Variants in DCC observed in about 807,000 individuals in gnomAD.
The protein encoded by DCC is DCC netrin 1 receptor.
Under a neutral mutation model 172.5 loss-of-function variants are expected in DCC, and 58 were observed. The ratio of observed to expected loss-of-function variants is 0.34; its 90% CI spans 0.27 to 0.42. The LOEUF (loss-of-function observed/expected upper bound fraction) is 0.42. DCC is among the 10% of genes least tolerant of loss of function. DCC has a pLI of 1.00. For synonymous variants in DCC, 709 were observed against 644.5 expected (o/e 1.10, Z -1.52); for missense variants, 1,740 against 1,791.0 (o/e 0.97, Z 0.51).
chr18:53,237,803 AT>A (rs1193859168), intron 12 of DCC, among the ~76,000 whole-genome samples: 3 of 152,196 alleles, frequency 2.0e-5, no homozygotes, highest in African/African-American at 7.2e-5. Flanking sequence ...TCATCAAAAA[AT>A]GTCTGACAAA....
intron 2 of DCC, among the ~76,000 whole-genome samples, chr18:52,756,523 T>A (rs971138298): frequency 6.6e-6 from 1 of 152,234 alleles, no homozygotes; most frequent in African/African-American, 2.4e-5. Context: ...TGAGTTGGAA[T>A]AATTTGCTTT....
chr18:53,496,064 TGAA>T (rs2144419571), intron 26 of DCC, among the ~76,000 whole-genome samples: 1 of 152,238 alleles, frequency 6.6e-6, no homozygotes, highest in South Asian at 2.1e-4. Flanking sequence ...CTGACAGTTC[TGAA>T]GAGAGAAGTG....
intron 7 of DCC, among the ~76,000 whole-genome samples, chr18:53,113,501 CT>C (rs2043365752): frequency 6.6e-6 from 1 of 150,998 alleles, no homozygotes. Context: ...TTCTATTTTT[CT>C]TTATTTGCTT....
intron 12 of DCC, among the ~76,000 whole-genome samples, chr18:53,245,650 A>G (rs2056356842): frequency 6.6e-6 from 1 of 152,130 alleles, no homozygotes; most frequent in Non-Finnish European, 1.5e-5. Context: ...ATTTTTAGGC[A>G]TGGAGTCAGT....
chr18:52,851,980 T>C (rs1474560823), intron 2 of DCC, among the ~76,000 whole-genome samples: 1 of 152,092 alleles, frequency 6.6e-6, no homozygotes, highest in Non-Finnish European at 1.5e-5. Flanking sequence ...TTTATATACA[T>C]GAAACATACA....
chr18:52,877,369 T>G (rs1406594914), intron 2 of DCC, among the ~76,000 whole-genome samples: 7 of 147,114 alleles, frequency 4.8e-5, no homozygotes, highest in African/African-American at 1.8e-4. Context: ...GGGAGGAGGG[T>G]GTGTGTGTGT....
intron 1 of DCC, among the ~76,000 whole-genome samples, chr18:52,739,424 A>G (rs901500899): frequency 1.3e-5 from 2 of 152,184 alleles, no homozygotes; most frequent in Admixed American, 6.5e-5. Context: ...GTTGTATGAA[A>G]TAAACAATAT....
At chr18:52,722,634 T>C (rs1416409999) in intron 1 of DCC, among the ~76,000 whole-genome samples, 4 of 152,180 alleles carry the variant, frequency 2.6e-5, no homozygotes, top group African/African-American at 7.2e-5. Context: ...TTTGCAATAA[T>C]AAATGTCCTC....
At chr18:53,197,899 G>C (rs1030900484) in intron 9 of DCC, among the ~76,000 whole-genome samples, 1 of 152,152 alleles carries the variant, frequency 6.6e-6, no homozygotes, top group African/African-American at 2.4e-5. Context: ...TATGCTATGT[G>C]ACTTCTTGAT....
chr18:53,204,777 G>A (rs2055598873), intron 9 of DCC, among the ~76,000 whole-genome samples: 2 of 152,134 alleles, frequency 1.3e-5, no homozygotes, highest in South Asian at 2.1e-4. Flanking sequence ...ATCCATAGCT[G>A]TGCGACCTAT....
At chr18:52,351,422 C>T (rs1342611122) in intron 1 of DCC, among the ~76,000 whole-genome samples, 1 of 134,276 alleles carries the variant, frequency 7.4e-6, no homozygotes, top group African/African-American at 2.6e-5. Context: ...CATAGGCCAC[C>T]TTTTCCTTGA....
chr18:53,141,300 G>T (rs2043826583), intron 7 of DCC, among the ~76,000 whole-genome samples: 1 of 152,282 alleles, frequency 6.6e-6, no homozygotes, highest in African/African-American at 2.4e-5. Flanking sequence ...GTATGAGTGG[G>T]TATCCTCCAA....
At chr18:53,166,512 G>T (rs1427767584) in intron 8 of DCC, among the ~76,000 whole-genome samples, 1 of 152,090 alleles carries the variant, frequency 6.6e-6, no homozygotes, top group Admixed American at 6.6e-5. Flanking sequence ...TTATCATGTG[G>T]ATAGACGCTG....
chr18:52,744,306 C>T (rs1297108247), intron 1 of DCC, among the ~76,000 whole-genome samples: 3 of 152,120 alleles, frequency 2.0e-5, no homozygotes, highest in Non-Finnish European at 4.4e-5. Context: ...GAAACTTTGA[C>T]TGTTCCTTTT....
chr18:53,401,536 T>C (rs1909293818), intron 18 of DCC, among the ~76,000 whole-genome samples: 1 of 152,086 alleles, frequency 6.6e-6, no homozygotes, highest in African/African-American at 2.4e-5. Context: ...AATACAGTGT[T>C]AATAATGTCC....
chr18:52,600,929 T>C (rs2034005146), intron 1 of DCC, among the ~76,000 whole-genome samples: 1 of 152,190 alleles, frequency 6.6e-6, no homozygotes, highest in Non-Finnish European at 1.5e-5. Flanking sequence ...GGATTTACTA[T>C]ATAACCCAAA....
chr18:52,937,781 A>C (rs1009654183), intron 5 of DCC, among the ~76,000 whole-genome samples: 12 of 152,132 alleles, frequency 7.9e-5, no homozygotes, highest in African/African-American at 2.9e-4. Context: ...ACACCCAGCC[A>C]ATGTGACTTT....
intron 25 of DCC, among the ~76,000 whole-genome samples, chr18:53,471,067 T>C (rs2045690064): frequency 6.6e-6 from 1 of 152,214 alleles, no homozygotes; most frequent in South Asian, 2.1e-4. Flanking sequence ...TGTTTTGCCC[T>C]TATCCAAGCT....
At chr18:53,486,713 A>C in intron 25 of DCC, 84 bp from the exon 26 acceptor site, 1 of 1,578,120 alleles carries the variant, frequency 6.3e-7, no homozygotes, top group African/African-American at 1.3e-5. Context: ...AGATTTGAGG[A>C]TCTGAAAATT....
Sources: allele counts gnomAD v4.1 joint callset (sites outside exome capture counted in the v4.1 genomes callset), GRCh38; gene constraint gnomAD v4.1.1; transcripts MANE v1.5; gene names NCBI Gene and HGNC (gene_info 2026-07-23, HGNC 2026-07-21).